Variants in CD28 observed in about 807,000 individuals in gnomAD.
The protein encoded by CD28 is T-cell-specific surface glycoprotein CD28.
CD28 carries 8 observed loss-of-function variants against 21.4 expected under a neutral mutation model. That is an observed-to-expected ratio of 0.37 (90% CI 0.22 to 0.68). The LOEUF (loss-of-function observed/expected upper bound fraction) is 0.68. CD28 is among the 30% of genes least tolerant of loss of function. The probability of loss-of-function intolerance (pLI) is 0.55; values close to 1 mark genes in which losing one functional copy is unlikely to be tolerated. For synonymous variants in CD28, 106 were observed against 104.0 expected (o/e 1.02, Z -0.12); for missense variants, 239 against 272.2 (o/e 0.88, Z 0.86).
chr2:203,738,265 T>C lies in CD28; in HGVS notation c.*3353T>C, dbSNP rs760866606. The C allele has an allele frequency of 1.3e-5, 2 of 152,318 alleles. No homozygotes were observed. The highest frequency in any genetic ancestry group is 2.1e-4 in the South Asian group (1 of 4,824). The allele number at this position is 152,318 out of a possible 1,614,324, so 9.4% of individuals were successfully genotyped here. On this transcript the variant is annotated 3_prime_UTR_variant, in exon 4 of 4. Coordinates refer to ENST00000324106, the MANE Select transcript of CD28 (RefSeq NM_006139.4). ...TTTAATGAGGGTATTGATGGTTAAA[T>C]GCATGTCTGATCCCTTATCCCAGCC...
chr2:203,727,212 G>T (rs1693774762), intron 2 of CD28, among the ~76,000 whole-genome samples: 1 of 152,162 alleles, frequency 6.6e-6, no homozygotes, highest in Non-Finnish European at 1.5e-5. Context: ...GAGCGGGAGA[G>T]TAAGTGATGA....
chr2:203,714,526 C>T (rs1160180104), intron 1 of CD28, among the ~76,000 whole-genome samples: 3 of 152,070 alleles, frequency 2.0e-5, no homozygotes, highest in Non-Finnish European at 4.4e-5. Flanking sequence ...AAAGCTAATC[C>T]CAAGGATTTC....
chr2:203,714,516 A>C (rs573676319), intron 1 of CD28, among the ~76,000 whole-genome samples: 2 of 152,182 alleles, frequency 1.3e-5, no homozygotes, highest in South Asian at 4.2e-4. Context: ...TTCAAACTCA[A>C]AAGCTAATCC....
chr2:203,729,520 T>C, intron 2 of CD28, 128 bp from the exon 3 acceptor site: 2 of 975,322 alleles, frequency 2.1e-6, no homozygotes, highest in East Asian at 2.6e-5. Context: ...AGGAAATCTA[T>C]TCACTCTAAG....
rs202094371 is a variant in CD28, at chr2:203,706,731, C to T, written c.35C>T (p.Pro12Leu). ...LRLLLALNLF[P>L]SIQVTGNKIL... ...CTGCTCTTGGCTCTCAACTTATTCC[C>T]TTCAATTCAAGTAACAGGTAAACAA... Residue 12 changes from proline to leucine, a missense_variant, in exon 1 of 4, where the codon CCT (proline) becomes CTT (leucine). Physicochemically the swap from Pro to Leu is moderately conservative, Grantham distance 98 (BLOSUM62 -3). Coordinates refer to ENST00000324106, the MANE Select transcript of CD28 (RefSeq NM_006139.4). The T allele has an allele frequency of 5.2e-5, 84 of 1,613,298 alleles. 2 individuals carry two copies. In the Middle Eastern group the frequency reaches 9.9e-3, roughly 190 times the overall value.
intron 1 of CD28, among the ~76,000 whole-genome samples, chr2:203,709,385 A>T (rs549120605): frequency 1.3e-5 from 2 of 152,314 alleles, no homozygotes; most frequent in African/African-American, 2.4e-5. Context: ...TATGAAGAAT[A>T]GTTCTTTTTT....
rs780022417 is a variant in CD28, at chr2:203,729,768, T to A, written c.530T>A (p.Phe177Tyr). Residue 177 changes from phenylalanine (F) to tyrosine (Y), a missense_variant, in exon 3 of 4, where the codon TTC becomes TAC. Coordinates refer to ENST00000324106, the MANE Select transcript of CD28 (RefSeq NM_006139.4). ...CTAGTAACAGTGGCCTTTATTATTT[T>A]CTGGGTAAGAGAAGCAGCACTGCTT... Reference protein sequence around the residue: ...SLLVTVAFIIFWVRSKRSRLL... With the variant: ...SLLVTVAFIIYWVRSKRSRLL... 7 of 1,613,388 alleles carry A rather than the reference T, an allele frequency of 4.3e-6. No individual in the cohort carries two copies. In the African/African-American group the frequency reaches 9.3e-5, roughly 22 times the overall value.
chr2:203,711,569 G>A (rs1229283625), intron 1 of CD28, among the ~76,000 whole-genome samples: 1 of 152,054 alleles, frequency 6.6e-6, no homozygotes, highest in Non-Finnish European at 1.5e-5. Flanking sequence ...ATTATCTTGG[G>A]TATTGTGGCT....
chr2:203,713,583 G>A (rs1302037760), intron 1 of CD28, among the ~76,000 whole-genome samples: 1 of 152,098 alleles, frequency 6.6e-6, no homozygotes, highest in Non-Finnish European at 1.5e-5. Context: ...TGGCTGAAAC[G>A]CCACCTGGGA....
In CD28 at chr2:203,738,853, T is replaced by C. The variant is rs548320849; in HGVS notation, c.*3941T>C. The C allele has an allele frequency of 6.6e-6, 1 of 152,346 alleles. No individual in the cohort carries two copies. The highest frequency in any genetic ancestry group is 2.1e-4 in the South Asian group (1 of 4,830). 9.4% of individuals were successfully genotyped at this position (152,346 alleles called of 1,614,324 possible). A position where few individuals can be genotyped will look rare whatever the true frequency, so the allele number is the denominator to read the frequency against. ...CAAGTAACTTTGCTTTGTTTCTTGC[T>C]GTATCTCCAGTGCCCAGAGCAGTGC... is the stretch of plus-strand genomic sequence containing the variant. On this transcript the variant is annotated 3_prime_UTR_variant, in exon 4 of 4. Transcript: ENST00000324106.
chr2:203,733,042 T>C (rs1693938042), intron 3 of CD28, among the ~76,000 whole-genome samples: 1 of 152,156 alleles, frequency 6.6e-6, no homozygotes, highest in African/African-American at 2.4e-5. Context: ...GTCCTCAGGG[T>C]TGGAGTAAGT....
chr2:203,728,855 T>G (rs1259426569), intron 2 of CD28, among the ~76,000 whole-genome samples: 1 of 152,214 alleles, frequency 6.6e-6, no homozygotes, highest in Non-Finnish European at 1.5e-5. Context: ...GATCCTGTAC[T>G]TAGTAATTTT....
intron 3 of CD28, among the ~76,000 whole-genome samples, chr2:203,734,470 G>A (rs1693973662): frequency 6.6e-6 from 1 of 152,166 alleles, no homozygotes; most frequent in Non-Finnish European, 1.5e-5. Flanking sequence ...AAGGAGGAAG[G>A]GCCTTCAAGT....
chr2:203,707,365 C>T (rs888948752), intron 1 of CD28, among the ~76,000 whole-genome samples: 3 of 151,976 alleles, frequency 2.0e-5, no homozygotes, highest in African/African-American at 7.3e-5. Context: ...TAAACCTCAC[C>T]TCAAGGTCAT....
intron 1 of CD28, among the ~76,000 whole-genome samples, chr2:203,711,631 C>A (rs767935501): frequency 6.6e-6 from 1 of 152,196 alleles, no homozygotes; most frequent in Non-Finnish European, 1.5e-5. Context: ...GAATTACTCA[C>A]TCATAGTTCA....
At chr2:203,718,333 C>G (rs1260148976) in intron 1 of CD28, among the ~76,000 whole-genome samples, 3 of 152,056 alleles carry the variant, frequency 2.0e-5, no homozygotes, top group Admixed American at 2.0e-4. Context: ...GCATCCTGGG[C>G]CTGAACAGGA....
intron 3 of CD28, among the ~76,000 whole-genome samples, chr2:203,730,938 C>A (rs1351653509): frequency 1.3e-5 from 2 of 152,192 alleles, no homozygotes; most frequent in African/African-American, 4.8e-5. Flanking sequence ...CACAGCCATG[C>A]CTTCCTATTA....
At chr2:203,714,395 T>G (rs1426280539) in intron 1 of CD28, among the ~76,000 whole-genome samples, 1 of 152,150 alleles carries the variant, frequency 6.6e-6, no homozygotes, top group Non-Finnish European at 1.5e-5. Context: ...GACTCTAGTT[T>G]CCAGTCAGGG....
chr2:203,734,873 C>G lies in CD28; in HGVS notation c.624C>G (p.Pro208=), dbSNP rs936603709. ...RPGPTRKHYQ[P]YAPPRDFAAY... is the part of the protein sequence containing the mutation. ...GGCCCACCCGCAAGCATTACCAGCC[C>G]TATGCCCCACCACGCGACTTCGCAG... The change falls in exon 4 of 4, where the codon CCC becomes CCG. Residue 208 remains proline (P), a synonymous_variant. Coordinates refer to ENST00000324106, the MANE Select transcript of CD28 (RefSeq NM_006139.4). 1 of 1,614,124 alleles carries G rather than the reference C, an allele frequency of 6.2e-7. No homozygotes were observed. The highest frequency in any genetic ancestry group is 1.3e-5 in the African/African-American group (1 of 74,952).
Sources: gnomAD v4.1 joint callset for allele counts (sites outside exome capture counted in the v4.1 genomes callset) on GRCh38, gnomAD v4.1.1 for gene constraint, MANE v1.5 for transcripts, NCBI Gene and HGNC (gene_info 2026-07-23, HGNC 2026-07-21) for gene names.